AKAP19: variants seen among roughly 807,000 people sequenced by gnomAD.
The protein encoded by AKAP19 is small A-kinase anchoring protein.
At chr2:189,939,252 C>T in the AKAP19 span, among the ~76,000 whole-genome samples, 8 of 152,216 alleles carry the variant, frequency 5.3e-5, no homozygotes, top group East Asian at 1.9e-4. Flanking sequence ...CCATCGTTCC[C>T]GTGGGCAAAA....
chr2:190,053,168 A>T, the AKAP19 span, among the ~76,000 whole-genome samples: 1 of 152,200 alleles, frequency 6.6e-6, no homozygotes, highest in Non-Finnish European at 1.5e-5. Context: ...ACTTAGTGTA[A>T]TGTTAAACCT....
chr2:190,124,767 C>G, the AKAP19 span, among the ~76,000 whole-genome samples: 13 of 152,234 alleles, frequency 8.5e-5, no homozygotes, highest in East Asian at 1.9e-3. Flanking sequence ...TTTTTCTACC[C>G]TTTTGTAATA....
the AKAP19 span, chr2:189,879,729 AG>A: frequency 6.6e-6 from 1 of 152,364 alleles, no homozygotes; most frequent in South Asian, 2.1e-4. Context: ...GGGCGAGGCG[AG>A]GAGATCCGAA....
At chr2:190,113,587 C>T in the AKAP19 span, among the ~76,000 whole-genome samples, 2 of 152,194 alleles carry the variant, frequency 1.3e-5, no homozygotes, top group Non-Finnish European at 2.9e-5. Context: ...ACCCTTATGA[C>T]ATATGGATAA....
chr2:190,043,851 G>A, the AKAP19 span, among the ~76,000 whole-genome samples: 12 of 152,292 alleles, frequency 7.9e-5, no homozygotes, highest in South Asian at 2.3e-3. Flanking sequence ...TGTACATTGA[G>A]TACAGTCAAT....
At chr2:189,985,685 G>A in the AKAP19 span, among the ~76,000 whole-genome samples, 3 of 152,170 alleles carry the variant, frequency 2.0e-5, no homozygotes, top group African/African-American at 7.2e-5. Context: ...TCCCTGATAA[G>A]AACTCAGTCC....
At chr2:189,883,964 A>G in the AKAP19 span, among the ~76,000 whole-genome samples, 1 of 152,176 alleles carries the variant, frequency 6.6e-6, no homozygotes, top group Non-Finnish European at 1.5e-5. Flanking sequence ...TTTAATTTAT[A>G]AAGAACTTAA....
At chr2:189,989,807 A>G in the AKAP19 span, among the ~76,000 whole-genome samples, 1 of 152,224 alleles carries the variant, frequency 6.6e-6, no homozygotes, top group Non-Finnish European at 1.5e-5. Context: ...TAAGTTTAAC[A>G]AAAGAAGTGC....
At chr2:190,018,053 T>A in the AKAP19 span, among the ~76,000 whole-genome samples, 1 of 152,192 alleles carries the variant, frequency 6.6e-6, no homozygotes, top group Non-Finnish European at 1.5e-5. Context: ...ATATGTTTCT[T>A]ATCTCTTCCT....
the AKAP19 span, among the ~76,000 whole-genome samples, chr2:189,928,537 A>C: frequency 6.6e-6 from 1 of 152,282 alleles, no homozygotes; most frequent in East Asian, 1.9e-4. Context: ...AATTGGGTGG[A>C]TATAAATTAA....
the AKAP19 span, chr2:190,057,348 A>T: frequency 6.2e-7 from 1 of 1,613,488 alleles, no homozygotes; most frequent in Non-Finnish European, 8.5e-7. Context: ...TATTAATTGG[A>T]GACATCTTTG....
the AKAP19 span, among the ~76,000 whole-genome samples, chr2:190,030,246 C>A: frequency 1.3e-5 from 2 of 152,284 alleles, no homozygotes; most frequent in South Asian, 4.1e-4. Context: ...TTCACAATTA[C>A]CAGATTTACC....
chr2:189,990,695 A>G, the AKAP19 span, among the ~76,000 whole-genome samples: 1 of 152,114 alleles, frequency 6.6e-6, no homozygotes, highest in African/African-American at 2.4e-5. Flanking sequence ...AGTATTATTT[A>G]TTCTTTTTAA....
chr2:189,898,053 A>G, the AKAP19 span, among the ~76,000 whole-genome samples: 1 of 152,138 alleles, frequency 6.6e-6, no homozygotes, highest in African/African-American at 2.4e-5. Context: ...TACAAAAAAT[A>G]TAAAAATTAG....
chr2:190,122,189 A>G, the AKAP19 span, among the ~76,000 whole-genome samples: 1 of 152,204 alleles, frequency 6.6e-6, no homozygotes, highest in Non-Finnish European at 1.5e-5. Flanking sequence ...ACTGAAAAAC[A>G]GTGACTGCAT....
chr2:189,998,320 C>A, the AKAP19 span, among the ~76,000 whole-genome samples: 1 of 152,190 alleles, frequency 6.6e-6, no homozygotes, highest in Admixed American at 6.5e-5. Context: ...CACTTGTCCA[C>A]CATCTTCCCT....
chr2:189,998,775 T>A, the AKAP19 span, among the ~76,000 whole-genome samples: 1 of 98,896 alleles, frequency 1.0e-5, no homozygotes, highest in African/African-American at 3.7e-5. Flanking sequence ...TTCTTTCTTT[T>A]TTTTTTTTTT....
At chr2:189,932,073 G>T in the AKAP19 span, among the ~76,000 whole-genome samples, 2 of 152,124 alleles carry the variant, frequency 1.3e-5, no homozygotes, top group African/African-American at 2.4e-5. Flanking sequence ...TAGTTGTCAT[G>T]GCTTTCTTAT....
the AKAP19 span, among the ~76,000 whole-genome samples, chr2:190,189,550 A>C: frequency 2.0e-5 from 3 of 152,232 alleles, no homozygotes; most frequent in African/African-American, 7.2e-5. Flanking sequence ...TTAACAACAT[A>C]AATATTTTAA....
Sources: allele counts gnomAD v4.1 joint callset (sites outside exome capture counted in the v4.1 genomes callset), GRCh38; gene constraint gnomAD v4.1.1; transcripts MANE v1.5; gene names NCBI Gene and HGNC (gene_info 2026-07-23, HGNC 2026-07-21).